TRIM36: variants seen among roughly 807,000 people sequenced by gnomAD.
TRIM36 encodes E3 ubiquitin-protein ligase TRIM36.
A neutral mutation model predicts 72.4 loss-of-function variants in TRIM36; 42 were observed. That is an observed-to-expected ratio of 0.58 (90% CI 0.45 to 0.75). TRIM36 has a LOEUF of 0.75. Ranked by LOEUF, TRIM36 falls within the 30% of genes least tolerant of loss-of-function variation. TRIM36 has a pLI of 0.00. For synonymous variants in TRIM36, 315 were observed against 282.8 expected (o/e 1.11, Z -1.14); for missense variants, 913 against 857.1 (o/e 1.07, Z -0.81).
At chr5:115,139,483 T>C (rs62381516) in intron 5 of TRIM36, among the ~76,000 whole-genome samples, 61,249 of 152,146 alleles carry the variant, frequency 0.4, 12,696 homozygotes, top group East Asian at 0.71. Flanking sequence ...CCATTGGCTT[T>C]CAGCCAACAC....
chr5:115,154,489 A>T (rs1287682883), intron 2 of TRIM36, among the ~76,000 whole-genome samples: 1 of 152,214 alleles, frequency 6.6e-6, no homozygotes, highest in East Asian at 1.9e-4. Context: ...CTCAATAAGA[A>T]ATGAATCAGG....
chr5:115,130,702 G>A lies in TRIM36; in HGVS notation c.1686C>T (p.His562=), dbSNP rs1195262511. The part of the protein sequence containing the change: ...IGDTGITKGK[H]FWAFRVEPYS... ...ATGGTTCCACACGGAAGGCCCAGAA[G>A]TGTTTTCCTTTTGTAATGCCAGTAT... is the stretch of plus-strand genomic sequence containing the variant. The change falls in exon 9 of 10, where the codon CAC becomes CAT. Residue 562 remains histidine (H), a synonymous_variant. Coordinates refer to ENST00000513154, the MANE Select transcript of TRIM36 (RefSeq NM_001300759.2). 1.9e-6 allele frequency: 3 copies of A among 1,614,058 alleles called. No individual in the cohort carries two copies. The highest frequency in any genetic ancestry group is 2.7e-5 in the African/African-American group (2 of 74,920).
intron 8 of TRIM36, 66 bp from the exon 9 acceptor site, chr5:115,130,955 AG>A: frequency 6.7e-7 from 1 of 1,498,800 alleles, no homozygotes; most frequent in East Asian, 2.3e-5. Flanking sequence ...TAAATCTGAT[AG>A]GTTTTCTTAC....
intron 7 of TRIM36, among the ~76,000 whole-genome samples, chr5:115,135,370 A>T (rs1278293601): frequency 6.6e-6 from 1 of 152,166 alleles, no homozygotes; most frequent in African/African-American, 2.4e-5. Context: ...TGAGATCTGG[A>T]AAGTTATTCA....
At chr5:115,179,920 A>C in intron 1 of TRIM36, 3 of 1,519,340 alleles carry the variant, frequency 2.0e-6, no homozygotes, top group South Asian at 1.2e-5. Flanking sequence ...GTGGCGGGCC[A>C]GGTAGTGCCG....
intron 2 of TRIM36, among the ~76,000 whole-genome samples, chr5:115,163,286 AC>A (rs1362218161): frequency 6.6e-6 from 1 of 152,206 alleles, no homozygotes; most frequent in East Asian, 1.9e-4. Context: ...GGAGTTTAAC[AC>A]AAAGTTCATG....
chr5:115,146,245 T>C (rs1753586607), intron 3 of TRIM36, among the ~76,000 whole-genome samples: 1 of 152,236 alleles, frequency 6.6e-6, no homozygotes, highest in Non-Finnish European at 1.5e-5. Context: ...CTACCAATCC[T>C]TTACTATTTA....
chr5:115,155,265 T>C lies in TRIM36; in HGVS notation c.263-7871A>G, dbSNP rs564769411. Reference sequence around the variant, plus strand: ...CAGGAGGCTGAGACAGGAGAATCGCTTGAACCAGGGAGGCACAGGTTGCAG... The same window carrying C: ...CAGGAGGCTGAGACAGGAGAATCGCCTGAACCAGGGAGGCACAGGTTGCAG... On this transcript the variant is annotated intron_variant, in intron 2 of 9. Transcript: ENST00000513154. 2.0e-5 allele frequency among the ~76,000 whole-genome samples: 3 copies of C among 151,864 alleles called. No individual in the cohort carries two copies. In the South Asian group the frequency reaches 6.3e-4, roughly 32 times the overall value.
chr5:115,126,485 T>A lies in TRIM36; in HGVS notation c.*18A>T. ...CTTTGTTTACAGTTTTTATCCTGAG[T>A]CACATCAGATGTTTCAACTACATGT... On this transcript the variant is annotated 3_prime_UTR_variant, in exon 10 of 10. Coordinates refer to ENST00000513154, the MANE Select transcript of TRIM36 (RefSeq NM_001300759.2). The A allele has an allele frequency of 6.3e-7, 1 of 1,586,362 alleles. No homozygotes were observed. The highest frequency in any genetic ancestry group is 8.6e-7 in the Non-Finnish European group (1 of 1,159,696).
In TRIM36 at chr5:115,133,947, T is replaced by C. The variant is rs1341698587; in HGVS notation, c.1411A>G (p.Thr471Ala). Reference protein sequence around the residue: ...KIIQDLENSSTYAFRVRAYKG... With the variant: ...KIIQDLENSSAYAFRVRAYKG... ...TAAGCTCTTACTCTGAAAGCATAGG[T>C]ACTACTGTTTTCCAAGTCTTGAATT... The change falls in exon 8 of 10, where the codon ACC becomes GCC. Residue 471 changes from threonine (T) to alanine (A), a missense_variant. Transcript: ENST00000513154. 6.2e-7 allele frequency: 1 copy of C among 1,613,852 alleles called. No individual in the cohort carries two copies.
intron 1 of TRIM36, among the ~76,000 whole-genome samples, chr5:115,179,129 C>T (rs752643360): frequency 1.8e-4 from 27 of 152,190 alleles, no homozygotes; most frequent in African/African-American, 2.7e-4. Flanking sequence ...CTGCGAGTTC[C>T]GGAGGGCAGT....
At chr5:115,160,176 A>C (rs1754403863) in intron 2 of TRIM36, among the ~76,000 whole-genome samples, 1 of 152,192 alleles carries the variant, frequency 6.6e-6, no homozygotes, top group East Asian at 1.9e-4. Flanking sequence ...TTATGCACAC[A>C]AATCTTACTC....
At chr5:115,177,827 T>A (rs1755407429) in intron 1 of TRIM36, 3 of 1,614,078 alleles carry the variant, frequency 1.9e-6, no homozygotes, top group Non-Finnish European at 2.5e-6. Flanking sequence ...CCTTTAGAAG[T>A]CAACCGGGAA....
At chr5:115,164,660 T>C (rs1475440672) in intron 1 of TRIM36, among the ~76,000 whole-genome samples, 1 of 152,200 alleles carries the variant, frequency 6.6e-6, no homozygotes, top group Non-Finnish European at 1.5e-5. Context: ...CACCTTGGGA[T>C]TACAATTCAA....
chr5:115,127,897 C>G (rs987267754), intron 9 of TRIM36, among the ~76,000 whole-genome samples: 1 of 152,046 alleles, frequency 6.6e-6, no homozygotes, highest in Non-Finnish European at 1.5e-5. Context: ...GAAATGACAG[C>G]TCCATGTATG....
intron 1 of TRIM36, among the ~76,000 whole-genome samples, chr5:115,168,250 C>G (rs7719404): frequency 0.43 from 64,871 of 151,974 alleles, 15,780 homozygotes; most frequent in African/African-American, 0.67. Flanking sequence ...AATACTACAG[C>G]CTTTCATTAT....
intron 2 of TRIM36, chr5:115,149,635 T>G (rs1455532244): frequency 9.8e-6 from 1 of 102,354 alleles, no homozygotes; most frequent in Non-Finnish European, 1.8e-5. Flanking sequence ...ACTGTGTTTT[T>G]ACAGTGTAAA....
intron 2 of TRIM36, among the ~76,000 whole-genome samples, chr5:115,157,347 G>A (rs1363905881): frequency 2.0e-5 from 3 of 152,132 alleles, no homozygotes; most frequent in Non-Finnish European, 2.9e-5. Context: ...TGGATCACCT[G>A]AGGTCAACAG....
intron 7 of TRIM36, among the ~76,000 whole-genome samples, chr5:115,136,637 T>G (rs759909232): frequency 1.2e-4 from 18 of 152,044 alleles, no homozygotes; most frequent in Non-Finnish European, 2.4e-4. Context: ...AAAAAAAAAG[T>G]CTCTTAGTAG....
Sources: gnomAD v4.1 joint callset for allele counts (sites outside exome capture counted in the v4.1 genomes callset) on GRCh38, gnomAD v4.1.1 for gene constraint, MANE v1.5 for transcripts, NCBI Gene and HGNC (gene_info 2026-07-23, HGNC 2026-07-21) for gene names.